SHANK2: variants seen among roughly 807,000 people sequenced by gnomAD.
SHANK2 encodes SH3 and multiple ankyrin repeat domains 2.
SHANK2 carries 43 observed loss-of-function variants against 133.7 expected under a neutral mutation model. That is an observed-to-expected ratio of 0.32 (90% CI 0.25 to 0.41). The LOEUF is 0.41. SHANK2 is among the 10% of genes least tolerant of loss of function. The pLI is 1.00. For synonymous variants in SHANK2, 1,017 were observed against 952.8 expected, an observed-to-expected ratio of 1.07 and a Z score of -1.24; for missense variants, 1,994 against 2,235.8, an observed-to-expected ratio of 0.89 and a Z score of 2.18.
chr11:70,734,423 T>C (rs1946358605), intron 14 of SHANK2, among the ~76,000 whole-genome samples: 1 of 152,150 alleles, frequency 6.6e-6, no homozygotes, highest in Non-Finnish European at 1.5e-5. Flanking sequence ...CTGACTCCCA[T>C]ACCCAGTCCA....
At chr11:71,162,320 T>C (rs1555110035) in intron 2 of SHANK2, among the ~76,000 whole-genome samples, 1 of 152,208 alleles carries the variant, frequency 6.6e-6, no homozygotes, top group Non-Finnish European at 1.5e-5. Flanking sequence ...AGATCATGCA[T>C]GTAGCTCTGG....
chr11:70,750,998 A>G (rs1280596298), intron 14 of SHANK2, among the ~76,000 whole-genome samples: 1 of 152,224 alleles, frequency 6.6e-6, no homozygotes, highest in Non-Finnish European at 1.5e-5. Flanking sequence ...TTGGCATACC[A>G]AGAACTAGAA....
At chr11:71,233,578 TA>T in intron 1 of SHANK2, among the ~76,000 whole-genome samples, 1 of 152,272 alleles carries the variant, frequency 6.6e-6, no homozygotes, top group East Asian at 1.9e-4. Flanking sequence ...CCTAATTTAC[TA>T]AAAAACACGG....
At chr11:70,726,317 G>A (rs910849046) in intron 14 of SHANK2, among the ~76,000 whole-genome samples, 1 of 152,338 alleles carries the variant, frequency 6.6e-6, no homozygotes, top group South Asian at 2.1e-4. Flanking sequence ...AGCAGGAAGT[G>A]CAGAGGTCTG....
At chr11:71,224,376 C>G (rs1313629041) in intron 2 of SHANK2, among the ~76,000 whole-genome samples, 2 of 152,154 alleles carry the variant, frequency 1.3e-5, no homozygotes, top group Non-Finnish European at 2.9e-5. Context: ...CGGAGAGGAG[C>G]TGGAAGCACC....
chr11:70,858,073 C>T (rs1257893581), intron 11 of SHANK2, among the ~76,000 whole-genome samples: 1 of 152,222 alleles, frequency 6.6e-6, no homozygotes, highest in African/African-American at 2.4e-5. Flanking sequence ...CTGTGCTTCT[C>T]AGCTTTCATC....
intron 3 of SHANK2, among the ~76,000 whole-genome samples, chr11:71,142,339 A>C (rs1361580343): frequency 1.3e-5 from 2 of 152,166 alleles, no homozygotes; most frequent in African/African-American, 4.8e-5. Flanking sequence ...TGTCTCTACT[A>C]AAAATACAAA....
intron 2 of SHANK2, among the ~76,000 whole-genome samples, chr11:71,166,790 CTTT>C (rs782779412): frequency 7.3e-6 from 1 of 137,770 alleles, no homozygotes; most frequent in Non-Finnish European, 1.6e-5. Context: ...GCCCACACTT[CTTT>C]TTTTTTTTTT....
At chr11:70,797,243 T>C (rs1188768069) in intron 14 of SHANK2, among the ~76,000 whole-genome samples, 1 of 152,232 alleles carries the variant, frequency 6.6e-6, no homozygotes, top group Non-Finnish European at 1.5e-5. Context: ...AGACCAGCTT[T>C]GTTGGTAACA....
chr11:71,138,306 G>A (rs1356916235), intron 3 of SHANK2, among the ~76,000 whole-genome samples: 4 of 152,208 alleles, frequency 2.6e-5, no homozygotes, highest in South Asian at 2.1e-4. Flanking sequence ...AGGTACAGGA[G>A]GGGAAGATAG....
chr11:70,589,377 T>C (rs951655066), intron 17 of SHANK2, among the ~76,000 whole-genome samples: 3 of 152,222 alleles, frequency 2.0e-5, no homozygotes, highest in African/African-American at 7.2e-5. Context: ...GTTTACAGCA[T>C]GGCTATTTAC....
chr11:70,676,533 C>T lies in SHANK2; in HGVS notation c.1854-14855G>A, dbSNP rs549062855. 8.5e-5 allele frequency among the ~76,000 whole-genome samples: 13 copies of T among 152,318 alleles called. No individual in the cohort carries two copies. The South Asian group carries it at 1.2e-3, about 15-fold the overall frequency. On this transcript the variant is annotated intron_variant, in intron 15 of 25. Transcript: ENST00000601538. ...AGAGGCCTTCAGAGATGTCACTGCC[C>T]GTGCAATGGATGCTAGCTGTGCCCT...
rs935851397 is a variant in SHANK2, at chr11:71,069,173, T to C, written c.1029+5986A>G. Among the ~76,000 whole-genome samples, 26 of 149,672 alleles carry C rather than the reference T, an allele frequency of 1.7e-4. No individual in the cohort carries two copies. In the East Asian group the frequency reaches 4.2e-3, roughly 24 times the overall value. On this transcript the variant is annotated intron_variant, in intron 9 of 25. Transcript: ENST00000601538. ...ATCACCATGACCACCCTCACCACCATCATCAGCACCATCACTATCAACCAC... is the reference window on the plus strand; with the variant it reads ...ATCACCATGACCACCCTCACCACCACCATCAGCACCATCACTATCAACCAC...
chr11:71,166,747 T>G (rs1436684972), intron 2 of SHANK2, among the ~76,000 whole-genome samples: 1 of 151,522 alleles, frequency 6.6e-6, no homozygotes, highest in African/African-American at 2.4e-5. Context: ...CCTCCCAAAG[T>G]GCTGGGATTA....
chr11:70,611,476 G>A lies in SHANK2; in HGVS notation c.2061+48352C>T, dbSNP rs528838822. ...CTGCAATGCCCCATGGCAGCCCTGG[G>A]TACTTGGTTACCACCCCACGACCCA... On this transcript the variant is annotated intron_variant, in intron 17 of 25. Transcript: ENST00000601538. Among the ~76,000 whole-genome samples the A allele has an allele frequency of 3.9e-5, 6 of 152,356 alleles. No individual in the cohort carries two copies. The South Asian group carries it at 8.3e-4, about 21-fold the overall frequency.
In SHANK2 at chr11:71,092,490, C is replaced by G; in HGVS notation, c.844G>C (p.Glu282Gln). 1 of 1,551,524 alleles carries G rather than the reference C, an allele frequency of 6.4e-7. No homozygotes were observed. Among genetic ancestry groups the G allele is most frequent in the Non-Finnish European group, 8.7e-7 (1 of 1,146,982 alleles). The change falls in exon 8 of 26, where the codon GAG (glutamate) becomes CAG (glutamine). Residue 282 changes from glutamate to glutamine, a missense_variant. Around this residue, in one of 5 missense-constraint regions of SHANK2, gnomAD observed 653 missense variants for 563.4 expected, o/e 1.16. Transcript: ENST00000601538. The stretch of plus-strand genomic sequence containing the variant: ...GTGGCGTGTTCGTGCAGGAGAAGCT[C>G]GCAGCAGTAGGGATCACCTCCGACG... ...AIVGGDPYCC[E>Q]LLLHEHATVC...
At chr11:70,912,188 C>T (rs1450052104) in intron 10 of SHANK2, among the ~76,000 whole-genome samples, 1 of 150,636 alleles carries the variant, frequency 6.6e-6, no homozygotes, top group Admixed American at 6.6e-5. Flanking sequence ...ACACTTACCA[C>T]GTGACCTTAT....
At chr11:70,624,947 G>T (rs1392561924) in intron 17 of SHANK2, among the ~76,000 whole-genome samples, 5 of 152,202 alleles carry the variant, frequency 3.3e-5, no homozygotes, top group Admixed American at 6.5e-5. Flanking sequence ...CCAATGTACA[G>T]TTTGAGAGAA....
At chr11:70,877,573 T>C (rs1476574487) in intron 11 of SHANK2, among the ~76,000 whole-genome samples, 9 of 152,130 alleles carry the variant, frequency 5.9e-5, no homozygotes, top group African/African-American at 2.2e-4. Context: ...CTTCACCAGC[T>C]CTGGTTGTAC....
Sources: allele counts gnomAD v4.1 joint callset (sites outside exome capture counted in the v4.1 genomes callset), GRCh38; gene constraint gnomAD v4.1.1; regional missense constraint gnomAD v4.1.1; transcripts MANE v1.5; gene names NCBI Gene and HGNC (gene_info 2026-07-23, HGNC 2026-07-21).